Variants in USP47 observed in about 807,000 individuals in gnomAD.
The protein encoded by USP47 is ubiquitin specific peptidase 47, also known as ubiquitin carboxyl-terminal hydrolase 47.
In USP47, 35 loss-of-function variants were observed where a neutral mutation model predicts 165.1. The observed-to-expected ratio is 0.21, with a 90% CI of 0.16 to 0.28. The LOEUF (loss-of-function observed/expected upper bound fraction) is 0.28. USP47 is among the 10% of genes least tolerant of loss of function. The pLI is 1.00. For missense variants in USP47, 1,277 were observed against 1,607.4 expected, an observed-to-expected ratio of 0.79 and a Z score of 3.52; for synonymous variants, 531 against 544.5, an observed-to-expected ratio of 0.98 and a Z score of 0.35.
intron 1 of USP47, among the ~76,000 whole-genome samples, chr11:11,870,865 C>G (rs1849994111): frequency 6.6e-6 from 1 of 152,066 alleles, no homozygotes; most frequent in South Asian, 2.1e-4. Flanking sequence ...TAATCCCATC[C>G]ATGTTATTTA....
chr11:11,883,852 C>T (rs1242008171), intron 2 of USP47, among the ~76,000 whole-genome samples: 1 of 152,128 alleles, frequency 6.6e-6, no homozygotes, highest in African/African-American at 2.4e-5. Context: ...CACTTCCATA[C>T]CCCCTGGGTC....
rs778569445 is a variant in USP47 at position 11,892,004 on chromosome 11, A to G, written c.394A>G (p.Arg132Gly). 2 of 1,613,896 alleles carry G rather than the reference A, an allele frequency of 1.2e-6. No homozygotes were observed. Among genetic ancestry groups the G allele is most frequent in the Non-Finnish European group, 8.5e-7 (1 of 1,179,876 alleles). The change falls in exon 4 of 28, where the codon AGG (arginine) becomes GGG (glycine). Residue 132 changes from arginine (R) to glycine (G), a missense_variant. Around this residue, in one of 4 missense-constraint regions of USP47, gnomAD observed 181 missense variants for 194.7 expected, o/e 0.93. Transcript: ENST00000527733. ...TGCTGGGGAAGACAGTGTTCATGAC[A>G]GGTTTATAGGTCCGCTTCCAAGAGA... is the stretch of plus-strand genomic sequence containing the variant. ...SSAGEDSVHD[R>G]FIGPLPREGS...
intron 2 of USP47, among the ~76,000 whole-genome samples, chr11:11,884,145 T>C (rs898995014): frequency 2.6e-5 from 4 of 152,178 alleles, no homozygotes. Context: ...ATATATTGTA[T>C]AGAACATGGA....
chr11:11,875,471 A>G (rs145164494), intron 1 of USP47, among the ~76,000 whole-genome samples: 2 of 152,338 alleles, frequency 1.3e-5, no homozygotes, highest in African/African-American at 4.8e-5. Context: ...GCGGGCTCTA[A>G]AATGTCTTAG....
intron 11 of USP47, among the ~76,000 whole-genome samples, chr11:11,924,034 A>G (rs530772991): frequency 1.1e-4 from 17 of 152,196 alleles, no homozygotes; most frequent in Non-Finnish European, 2.4e-4. Flanking sequence ...GGGACTTCCA[A>G]TGCAGTGTTG....
intron 18 of USP47, among the ~76,000 whole-genome samples, chr11:11,939,204 A>T (rs1339332324): frequency 6.6e-6 from 1 of 152,020 alleles, no homozygotes; most frequent in East Asian, 1.9e-4. Context: ...TACTCTGCAG[A>T]ACCCTGAGCA....
intron 1 of USP47, chr11:11,878,650 G>A (rs1337000175): frequency 6.6e-6 from 1 of 151,472 alleles, no homozygotes; most frequent in Non-Finnish European, 1.5e-5. Flanking sequence ...TATTTTTTAA[G>A]TAAGTTTTTA....
intron 3 of USP47, among the ~76,000 whole-genome samples, chr11:11,889,623 A>G (rs1851384239): frequency 6.6e-6 from 1 of 152,220 alleles, no homozygotes; most frequent in South Asian, 2.1e-4. Flanking sequence ...GTTAATGGCC[A>G]TACTGTCCAA....
rs1854413900 is a variant in USP47, at chr11:11,928,418, T to G, written c.1387-1016T>G. 2.0e-5 allele frequency among the ~76,000 whole-genome samples: 3 copies of G among 152,076 alleles called. No homozygotes were observed. In the South Asian group the frequency reaches 6.2e-4, roughly 31 times the overall value. ...AAATTTGTTCTAGAAATTTCACTAA[T>G]TAACAATATATTGTGGTCAGTTTAA... On this transcript the variant is annotated intron_variant, in intron 11 of 27. Transcript: ENST00000527733.
rs372224279 is a variant in USP47, at chr11:11,856,049, T to C, written c.39+13825T>C. 1.4e-4 allele frequency among the ~76,000 whole-genome samples: 22 copies of C among 152,308 alleles called. No individual in the cohort carries two copies. In the East Asian group the frequency reaches 3.5e-3, roughly 24 times the overall value. ...TTATGTAGAGAAGGAGGAATAGTGT[T>C]CAAAACAAGAAAGTTTGTAGTGCAT... On this transcript the variant is annotated intron_variant, in intron 1 of 27. Coordinates refer to ENST00000527733, the MANE Select transcript of USP47 (RefSeq NM_001282659.2).
intron 19 of USP47, among the ~76,000 whole-genome samples, chr11:11,940,846 C>G (rs530226490): frequency 4.6e-5 from 7 of 151,522 alleles, no homozygotes; most frequent in Non-Finnish European, 8.8e-5. Flanking sequence ...TTAGTCCTAC[C>G]TCTTTGGTGA....
rs1306932664 is a variant in USP47, at chr11:11,960,325, C to T, written c.*4150C>T. On this transcript the variant is annotated 3_prime_UTR_variant, in exon 28 of 28. Transcript: ENST00000527733. The stretch of plus-strand genomic sequence containing the variant: ...GTTACTGTCCCCTTGTGCCTGGTCA[C>T]TAGTAACTTTTTTGTAGACATGAAG... Among the ~76,000 whole-genome samples, 1 of 152,180 alleles carries T rather than the reference C, an allele frequency of 6.6e-6. No homozygotes were observed. Among genetic ancestry groups the T allele is most frequent in the Non-Finnish European group, 1.5e-5 (1 of 68,036 alleles).
rs1166435971 is a variant in USP47 at position 11,842,161 on chromosome 11, C to A, written c.-25C>A. 1.9e-6 allele frequency: 3 copies of A among 1,551,546 alleles called. No homozygotes were observed. Among genetic ancestry groups the A allele is most frequent in the Non-Finnish European group, 2.6e-6 (3 of 1,146,756 alleles). ...CACCCTCCACCCTCCCCCGGCAGGG[C>A]GGAGAGGAGCGGCCGGAGTCAGCGA... On this transcript the variant is annotated 5_prime_UTR_variant, in exon 1 of 28. Transcript: ENST00000527733.
At chr11:11,911,724 G>A (rs1050729005) in intron 8 of USP47, among the ~76,000 whole-genome samples, 16 of 152,094 alleles carry the variant, frequency 1.1e-4, no homozygotes, top group Admixed American at 5.9e-4. Flanking sequence ...ATAGCAAAGA[G>A]GTAGAACTCA....
intron 5 of USP47, among the ~76,000 whole-genome samples, chr11:11,899,115 G>T (rs555526897): frequency 6.6e-6 from 1 of 152,216 alleles, no homozygotes; most frequent in African/African-American, 2.4e-5. Context: ...ACAGTGTGTT[G>T]CGGGGGGCTT....
intron 20 of USP47, among the ~76,000 whole-genome samples, chr11:11,944,042 C>A (rs1242346090): frequency 6.6e-6 from 1 of 151,470 alleles, no homozygotes; most frequent in Non-Finnish European, 1.5e-5. Flanking sequence ...TCCAAAAGTG[C>A]ATATATAGCT....
chr11:11,941,233 G>A lies in USP47; in HGVS notation c.2313+685G>A, dbSNP rs113408951. 4.9e-3 allele frequency among the ~76,000 whole-genome samples: 739 copies of A among 151,766 alleles called. 6 individuals are homozygous for A. Among genetic ancestry groups the A allele is most frequent in the African/African-American group, 0.017 (719 of 41,392 alleles). On this transcript the variant is annotated intron_variant, in intron 19 of 27. Coordinates refer to ENST00000527733, the MANE Select transcript of USP47 (RefSeq NM_001282659.2). ...ATTCACCTACACTTCTAAAACTTTT[G>A]TGTGGTGGGGGAGGGGATGTACGTG...
At chr11:11,929,695 CTT>C (rs1208890696) in intron 12 of USP47, 130 bp downstream of exon 12, 45 of 1,345,772 alleles carry the variant, frequency 3.3e-5, no homozygotes, top group Non-Finnish European at 4.4e-5. Context: ...TCAAATCTGT[CTT>C]TAATTTTTGC....
rs1424711002 is a variant in USP47, at chr11:11,854,394, C to T, written c.39+12170C>T. The stretch of plus-strand genomic sequence containing the variant: ...TCTGACATTGGACAAATTCCTTAAC[C>T]TGTCAGTACCTTAGTTAATTAAGGA... On this transcript the variant is annotated intron_variant, in intron 1 of 27. Coordinates refer to ENST00000527733, the MANE Select transcript of USP47 (RefSeq NM_001282659.2). 1.4e-5 allele frequency among the ~76,000 whole-genome samples: 2 copies of T among 147,064 alleles called. 1 individual carries two copies. Among genetic ancestry groups the T allele is most frequent in the Non-Finnish European group, 3.0e-5 (2 of 65,632 alleles).
Sources: gnomAD v4.1 joint callset for allele counts (sites outside exome capture counted in the v4.1 genomes callset) on GRCh38, gnomAD v4.1.1 for gene constraint, gnomAD v4.1.1 regional missense constraint, MANE v1.5 for transcripts, NCBI Gene and HGNC (gene_info 2026-07-23, HGNC 2026-07-21) for gene names.